Variants in MYO6 observed in about 807,000 individuals in gnomAD.
MYO6 encodes the protein unconventional myosin-VI.
Under a neutral mutation model 178.7 loss-of-function variants are expected in MYO6, and 74 were observed. The observed-to-expected ratio is 0.41, with a 90% CI of 0.34 to 0.50. MYO6 has a LOEUF of 0.50. MYO6 is among the 20% of genes least tolerant of loss of function. The probability of loss-of-function intolerance (pLI) is 0.09; values close to 1 mark genes in which losing one functional copy is unlikely to be tolerated. For missense variants in MYO6, 1,330 were observed against 1,547.4 expected, an observed-to-expected ratio of 0.86 and a Z score of 2.36; for synonymous variants, 477 against 504.6, an observed-to-expected ratio of 0.95 and a Z score of 0.73.
chr6:75,790,642 G>A (rs1369685181), intron 1 of MYO6, among the ~76,000 whole-genome samples: 2 of 152,124 alleles, frequency 1.3e-5, no homozygotes, highest in Non-Finnish European at 2.9e-5. Context: ...GCCTCCCAAT[G>A]TGTTTGGATT....
intron 23 of MYO6, among the ~76,000 whole-genome samples, chr6:75,883,409 T>C (rs945517577): frequency 6.6e-6 from 1 of 152,186 alleles, no homozygotes; most frequent in African/African-American, 2.4e-5. Context: ...TTTTTTTCTT[T>C]TAGGACATGG....
intron 11 of MYO6, among the ~76,000 whole-genome samples, chr6:75,850,827 A>G (rs1367175265): frequency 1.3e-5 from 2 of 152,204 alleles, no homozygotes; most frequent in Admixed American, 6.5e-5. Context: ...TGTCTGGCAC[A>G]TAGTAATCAT....
At position 75,830,549 on chromosome 6, in the gene MYO6, A is replaced by G; in HGVS notation, c.391+4A>G. The G allele has an allele frequency of 1.2e-6, 2 of 1,610,196 alleles. No homozygotes were observed. The highest frequency in any genetic ancestry group is 2.7e-5 in the African/African-American group (2 of 74,916). On this transcript the variant is annotated splice_donor_region_variant and intron_variant, in intron 5 of 34. Coordinates refer to ENST00000369977, the MANE Select transcript of MYO6 (RefSeq NM_004999.4). Reference sequence around the variant, plus strand: ...CCACCTCATGTCTTTGCAATTGGTAAGTGATTTTAAATGTATTTTAATTCT... The same window carrying G: ...CCACCTCATGTCTTTGCAATTGGTAGGTGATTTTAAATGTATTTTAATTCT...
chr6:75,890,755 T>G (rs1199229974), intron 26 of MYO6, among the ~76,000 whole-genome samples: 1 of 152,250 alleles, frequency 6.6e-6, no homozygotes. Flanking sequence ...TAATTTTAAC[T>G]ATAATCTGAA....
intron 1 of MYO6, among the ~76,000 whole-genome samples, chr6:75,759,908 T>C (rs1004416704): frequency 5.9e-5 from 9 of 152,262 alleles, no homozygotes; most frequent in African/African-American, 1.9e-4. Context: ...TATACTGTTA[T>C]ACTTTGCTGA....
rs1583217019 is a variant in MYO6 at position 75,831,892 on chromosome 6, A to C, written c.392-950A>C. ...GTGACAGAGAGATACCCTGTCTCAA[A>C]AAAAAAAAAAAAGAAAAAAGCGCTG... On this transcript the variant is annotated intron_variant, in intron 5 of 34. Coordinates refer to ENST00000369977, the MANE Select transcript of MYO6 (RefSeq NM_004999.4). 2.0e-5 allele frequency among the ~76,000 whole-genome samples: 3 copies of C among 150,112 alleles called. No individual in the cohort carries two copies. The South Asian group carries it at 6.3e-4, about 31-fold the overall frequency.
chr6:75,752,885 G>C (rs1777017681), intron 1 of MYO6, among the ~76,000 whole-genome samples: 1 of 152,136 alleles, frequency 6.6e-6, no homozygotes, highest in African/African-American at 2.4e-5. Context: ...AATGTTCCTG[G>C]TTGGGATAGA....
At position 75,881,761 on chromosome 6, in the gene MYO6, T is replaced by C. The variant is rs1344197751; in HGVS notation, c.2359T>C (p.Trp787Arg). The C allele has an allele frequency of 1.7e-5, 28 of 1,613,962 alleles. No individual in the cohort carries two copies. The highest frequency in any genetic ancestry group is 2.3e-5 in the Non-Finnish European group (27 of 1,179,952). The change falls in exon 23 of 35, where the codon TGG becomes CGG. Residue 787 changes from tryptophan (W) to arginine (R), a missense_variant. Trp to Arg is a moderately radical substitution (Grantham distance 101). Transcript: ENST00000369977. ...LAELVKRVNH[W>R]LTCSRWKKVQ... is the part of the protein sequence containing the mutation. ...AGAGTTGGTTAAAAGAGTCAATCACTGGCTCACATGCAGTCGCTGGAAGAA... is the reference window on the plus strand; with the variant it reads ...AGAGTTGGTTAAAAGAGTCAATCACCGGCTCACATGCAGTCGCTGGAAGAA...
chr6:75,789,623 T>C (rs2150080972), intron 1 of MYO6, among the ~76,000 whole-genome samples: 1 of 152,308 alleles, frequency 6.6e-6, no homozygotes, highest in Non-Finnish European at 1.5e-5. Flanking sequence ...AATTAATTTT[T>C]ATTTATAATT....
chr6:75,829,288 G>A (rs1583210314), intron 4 of MYO6, among the ~76,000 whole-genome samples: 1 of 151,976 alleles, frequency 6.6e-6, no homozygotes, highest in Non-Finnish European at 1.5e-5. Context: ...ATTATTCTTT[G>A]GGCATGCATG....
chr6:75,894,738 T>C, intron 28 of MYO6: 1 of 966,566 alleles, frequency 1.0e-6, no homozygotes, highest in Non-Finnish European at 1.5e-6. Flanking sequence ...TGTTGTTGGG[T>C]TCTATGCTGT....
At chr6:75,905,689 C>T (rs561658862) in intron 30 of MYO6, among the ~76,000 whole-genome samples, 5 of 152,374 alleles carry the variant, frequency 3.3e-5, no homozygotes, top group Admixed American at 6.5e-5. Flanking sequence ...CTGCGTCGCT[C>T]ACGCTGGGAG....
chr6:75,825,586 T>C (rs1772386571), intron 3 of MYO6, among the ~76,000 whole-genome samples: 1 of 152,182 alleles, frequency 6.6e-6, no homozygotes, highest in Non-Finnish European at 1.5e-5. Flanking sequence ...AGAGTGAAGC[T>C]CTGTCTCTAA....
chr6:75,873,735 A>G (rs73462868), intron 20 of MYO6, among the ~76,000 whole-genome samples: 103 of 152,270 alleles, frequency 6.8e-4, no homozygotes, highest in African/African-American at 2.4e-3. Context: ...GCAGTAGTTC[A>G]TTTCTCATTC....
chr6:75,779,687 A>G (rs372837697), intron 1 of MYO6, among the ~76,000 whole-genome samples: 1 of 152,128 alleles, frequency 6.6e-6, no homozygotes, highest in South Asian at 2.1e-4. Flanking sequence ...TTCTTTTTCT[A>G]TGGCTGTTTA....
intron 5 of MYO6, among the ~76,000 whole-genome samples, chr6:75,831,125 C>T (rs941366783): frequency 6.6e-6 from 1 of 152,204 alleles, no homozygotes; most frequent in African/African-American, 2.4e-5. Context: ...TTTTGAAGTC[C>T]TCCAGCTCTG....
chr6:75,782,502 A>G (rs1479369324), intron 1 of MYO6, among the ~76,000 whole-genome samples: 3 of 152,188 alleles, frequency 2.0e-5, no homozygotes, highest in Non-Finnish European at 4.4e-5. Context: ...AAAAAGGTTT[A>G]TACTTGAGTC....
At chr6:75,760,793 C>T (rs1289600057) in intron 1 of MYO6, among the ~76,000 whole-genome samples, 1 of 150,348 alleles carries the variant, frequency 6.7e-6, no homozygotes, top group Non-Finnish European at 1.5e-5. Context: ...TTTGTGGGAT[C>T]TTCTAAAAAC....
rs71002774 is a variant in MYO6 at position 75,907,794 on chromosome 6, A to ATG, written c.3280+108_3280+109dup. 0.013 allele frequency: 9,552 copies of ATG among 746,544 alleles called. 41 individuals are homozygous for ATG. Among genetic ancestry groups the ATG allele is most frequent in the African/African-American group, 0.051 (2,915 of 57,462 alleles). 46.2% of individuals were successfully genotyped at this position (746,544 alleles called of 1,614,324 possible). On this transcript the variant is annotated intron_variant, in intron 31 of 34. Coordinates refer to ENST00000369977, the MANE Select transcript of MYO6 (RefSeq NM_004999.4). Reference sequence around the variant, plus strand: ...AGATTAGGGTGAGGTGTGTGTGTGTATGTGTGTGTGTGTGTGTGTGTGTAT... The same window carrying ATG: ...AGATTAGGGTGAGGTGTGTGTGTGTATGTGTGTGTGTGTGTGTGTGTGTGTAT...
Sources: allele counts gnomAD v4.1 joint callset (sites outside exome capture counted in the v4.1 genomes callset), GRCh38; gene constraint gnomAD v4.1.1; transcripts MANE v1.5; gene names NCBI Gene and HGNC (gene_info 2026-07-23, HGNC 2026-07-21).